The following TXNRD3 variants were observed in gnomAD, a reference collection of about 807,000 sequenced individuals.
The protein encoded by TXNRD3 is TXNRD3 neighbor gene protein.
A neutral mutation model predicts 78.2 loss-of-function variants in TXNRD3; 68 were observed. The observed-to-expected ratio is 0.87, with a 90% confidence interval of 0.72 to 1.06. TXNRD3 has a LOEUF of 1.06. Ranked by LOEUF, TXNRD3 falls within the 50% of genes least tolerant of loss-of-function variation. The pLI, the probability that TXNRD3 is intolerant of heterozygous loss-of-function variation, is 0.00. For synonymous variants in TXNRD3, 296 were observed against 300.1 expected (o/e 0.99, Z 0.14); for missense variants, 751 against 809.5 (o/e 0.93, Z 0.88).
chr3:126,644,216 TG>T (rs1323385227), intron 4 of TXNRD3, 80 bp downstream of exon 4: 8 of 1,384,766 alleles, frequency 5.8e-6, no homozygotes, highest in Non-Finnish European at 7.8e-6. Context: ...AACATTAGTT[TG>T]TTTTTTTTTA....
chr3:126,639,301 A>T (rs1219311441), intron 6 of TXNRD3, among the ~76,000 whole-genome samples: 1 of 151,330 alleles, frequency 6.6e-6, no homozygotes, highest in Non-Finnish European at 1.5e-5. Context: ...AAAAAGCCAA[A>T]CTCCTCCTGG....
At chr3:126,644,521 A>G in intron 3 of TXNRD3, 120 bp from the exon 4 acceptor site, 1 of 706,538 alleles carries the variant, frequency 1.4e-6, no homozygotes, top group South Asian at 2.2e-5. Context: ...AAAATCTATA[A>G]TTCATCTAAG....
intron 3 of TXNRD3, 25 bp downstream of exon 3, chr3:126,646,086 G>T: frequency 6.8e-7 from 1 of 1,465,060 alleles, no homozygotes; most frequent in Non-Finnish European, 9.0e-7. Context: ...AAACAGCATT[G>T]AAGAACATAT....
intron 6 of TXNRD3, among the ~76,000 whole-genome samples, chr3:126,638,594 C>A (rs1419397007): frequency 6.6e-6 from 1 of 152,036 alleles, no homozygotes; most frequent in Non-Finnish European, 1.5e-5. Context: ...ATCAGCCAGG[C>A]GTGGTGGTGT....
intron 12 of TXNRD3, among the ~76,000 whole-genome samples, chr3:126,619,040 T>C (rs1308026737): frequency 1.3e-5 from 2 of 152,044 alleles, no homozygotes; most frequent in South Asian, 2.1e-4. Context: ...TTAGAATGGC[T>C]ATTATCAAAA....
At position 126,654,851 on chromosome 3, in the gene TXNRD3, C is replaced by A; in HGVS notation, c.140G>T (p.Arg47Leu). The A allele has an allele frequency of 7.4e-7, 1 of 1,357,990 alleles. No individual in the cohort carries two copies. Among genetic ancestry groups the A allele is most frequent in the Non-Finnish European group, 9.4e-7 (1 of 1,061,416 alleles). The allele number at this position is 1,357,990 out of a possible 1,614,324, so 84.1% of individuals were successfully genotyped here. The change falls in exon 1 of 16, where the codon CGC becomes CTC. Residue 47 changes from arginine to leucine, a missense_variant. By Grantham distance (102) the Arg-to-Leu change is moderately radical. Coordinates refer to ENST00000524230, the MANE Select transcript of TXNRD3 (RefSeq NM_052883.3). ...CAGCTCCTCGCGGGCCTCGGACGAG[C>A]GGCTGGGCCCGGGGGACGACAGGCG...
chr3:126,655,095 T>A lies in TXNRD3; in HGVS notation c.-105A>T. 1 of 1,302,914 alleles carries A rather than the reference T, an allele frequency of 7.7e-7. No homozygotes were observed. Among genetic ancestry groups the A allele is most frequent in the South Asian group, 2.0e-5 (1 of 48,794 alleles). 80.7% of individuals were successfully genotyped at this position (1,302,914 alleles called of 1,614,324 possible). A position where few individuals can be genotyped will look rare whatever the true frequency, so the allele number is the denominator to read the frequency against. On this transcript the variant is annotated 5_prime_UTR_variant, in exon 1 of 16. Coordinates refer to ENST00000524230, the MANE Select transcript of TXNRD3 (RefSeq NM_052883.3). ...GAGGGGCGGCGAACGCTGCCCTCGCTGGCCACTCTCACCACCCGCGCGAAT... is the reference window on the plus strand; with the variant it reads ...GAGGGGCGGCGAACGCTGCCCTCGCAGGCCACTCTCACCACCCGCGCGAAT...
At chr3:126,644,276 G>A (rs1213961118) in intron 4 of TXNRD3, 21 bp downstream of exon 4, 2 of 1,522,906 alleles carry the variant, frequency 1.3e-6, no homozygotes, top group South Asian at 1.2e-5. Flanking sequence ...TTATCTACGA[G>A]TTTCATTTCT....
chr3:126,622,298 A>G (rs942565683), intron 11 of TXNRD3, among the ~76,000 whole-genome samples, 166 bp downstream of exon 11: 4 of 152,224 alleles, frequency 2.6e-5, no homozygotes, highest in Admixed American at 2.6e-4. Context: ...TGAGCTTTTT[A>G]AGTAAGAGTT....
intron 10 of TXNRD3, among the ~76,000 whole-genome samples, chr3:126,623,851 C>CAAAAAAAAAAA (rs758992893): frequency 2.3e-4 from 21 of 89,754 alleles, no homozygotes; most frequent in East Asian, 3.9e-4. Flanking sequence ...TGAAACAAGG[C>CAAAAAAAAAAA]CAAAAAAAAA....
intron 1 of TXNRD3, 113 bp from the exon 2 acceptor site, chr3:126,647,409 T>C (rs775692305): frequency 1.3e-6 from 1 of 754,584 alleles, no homozygotes; most frequent in Non-Finnish European, 2.1e-6. Flanking sequence ...ACAGGAGTTC[T>C]AGCCAACGTG....
intron 1 of TXNRD3, among the ~76,000 whole-genome samples, chr3:126,649,891 G>A (rs770080102): frequency 8.5e-5 from 13 of 152,126 alleles, no homozygotes; most frequent in South Asian, 2.1e-4. Flanking sequence ...TTTCAGTTTG[G>A]GAAGATGAAA....
chr3:126,643,317 T>G (rs1933139803), intron 5 of TXNRD3, among the ~76,000 whole-genome samples: 1 of 152,194 alleles, frequency 6.6e-6, no homozygotes, highest in Non-Finnish European at 1.5e-5. Context: ...GCACAAAATC[T>G]ATGTGCTCTT....
At chr3:126,647,440 G>T (rs1933266838) in intron 1 of TXNRD3, 144 bp from the exon 2 acceptor site, 2 of 633,802 alleles carry the variant, frequency 3.2e-6, no homozygotes, top group South Asian at 4.2e-5. Context: ...TTTTGTTTTT[G>T]ATTTTTTCCT....
At chr3:126,623,462 A>G (rs923742706) in intron 10 of TXNRD3, among the ~76,000 whole-genome samples, 5 of 152,248 alleles carry the variant, frequency 3.3e-5, no homozygotes. Flanking sequence ...AATGTTAGCA[A>G]GTCAAACATA....
At chr3:126,610,478 G>T (rs1039684116) in intron 14 of TXNRD3, among the ~76,000 whole-genome samples, 5 of 152,176 alleles carry the variant, frequency 3.3e-5, no homozygotes, top group Non-Finnish European at 7.3e-5. Flanking sequence ...GAGGAGGAAA[G>T]CCTCCAATAA....
chr3:126,637,932 C>CTTTTTTTTTTTTTTTTTTTTT (rs71615916), intron 6 of TXNRD3, among the ~76,000 whole-genome samples: 1 of 60,190 alleles, frequency 1.7e-5, no homozygotes, highest in African/African-American at 7.2e-5. Context: ...ATTTCTCTCT[C>CTTTTTTTTTTTTTTTTTTTTT]TTTTTTTTTT....
chr3:126,608,147 G>A (rs1938098187), intron 15 of TXNRD3, among the ~76,000 whole-genome samples, 174 bp from the exon 16 acceptor site: 1 of 151,878 alleles, frequency 6.6e-6, no homozygotes, highest in Admixed American at 6.6e-5. Flanking sequence ...GATCACTTTA[G>A]GTCAGAAGTT....
At chr3:126,635,160 T>C (rs3103562) in intron 6 of TXNRD3, among the ~76,000 whole-genome samples, 133,124 of 152,202 alleles carry the variant, frequency 0.87, 59,247 homozygotes, top group Middle Eastern at 0.97. Context: ...CCCCATCCCC[T>C]AGAAAAGCTT....
Sources: gnomAD v4.1 joint callset for allele counts (sites outside exome capture counted in the v4.1 genomes callset) on GRCh38, gnomAD v4.1.1 for gene constraint, MANE v1.5 for transcripts, NCBI Gene and HGNC (gene_info 2026-07-23, HGNC 2026-07-21) for gene names.